GPD2: variants seen among roughly 807,000 people sequenced by gnomAD.
GPD2 encodes glycerol-3-phosphate dehydrogenase 2, also known as glycerol-3-phosphate dehydrogenase, mitochondrial.
In GPD2, 54 loss-of-function variants were observed where a neutral mutation model predicts 82.4. That is an observed-to-expected ratio of 0.66 (90% CI 0.53 to 0.82). The LOEUF is 0.82. GPD2 is among the 40% of genes least tolerant of loss of function. The pLI is 0.00. For missense variants in GPD2, 748 were observed against 896.2 expected, an observed-to-expected ratio of 0.83 and a Z score of 2.11; for synonymous variants, 288 against 306.1, an observed-to-expected ratio of 0.94 and a Z score of 0.62.
At chr2:156,420,080 C>A in the GPD2 span, among the ~76,000 whole-genome samples, 2 of 152,160 alleles carry the variant, frequency 1.3e-5, no homozygotes, top group East Asian at 3.8e-4. Context: ...TATTTGGCAT[C>A]CTAACAATTG....
rs1024193923 is a variant in GPD2, at chr2:156,467,945, C to T, written c.-8-8153C>T. On this transcript the variant is annotated intron_variant, in intron 1 of 16. Transcript: ENST00000438166. ...CTTCTCTGCTTGGCTGGGGGGAATG[C>T]GTTTGCAGGCAGAGTACTAATCATG... Among the ~76,000 whole-genome samples the T allele has an allele frequency of 2.0e-5, 3 of 151,928 alleles. No homozygotes were observed. In the South Asian group the frequency reaches 6.3e-4, roughly 32 times the overall value.
Position 156,462,386 on chromosome 2 carries a change from A to C in GPD2, c.-8-13712A>C, listed in dbSNP as rs374994950. On this transcript the variant is annotated intron_variant, in intron 1 of 16. Coordinates refer to ENST00000438166, the MANE Select transcript of GPD2 (RefSeq NM_000408.5). Reference sequence around the variant, plus strand: ...CTGCAACCTCCGCCTCCCGGGTTCAAGCAATTCTCCTGCCTCAGCCTCCCA... The same window carrying C: ...CTGCAACCTCCGCCTCCCGGGTTCACGCAATTCTCCTGCCTCAGCCTCCCA... 9.2e-5 allele frequency among the ~76,000 whole-genome samples: 14 copies of C among 151,872 alleles called. No homozygotes were observed. In the East Asian group the frequency reaches 1.7e-3, roughly 19 times the overall value.
chr2:156,475,811 AC>A lies in GPD2; in HGVS notation c.-8-286del, dbSNP rs1683490809. Among the ~76,000 whole-genome samples, 5 of 152,244 alleles carry A rather than the reference AC, an allele frequency of 3.3e-5. No homozygotes were observed. In the South Asian group the frequency reaches 1.0e-3, roughly 32 times the overall value. ...GACATTTCTTTTCACAGTTCTTTTG[AC>A]TTTATACTGTTTAAATATCCTCAGT... is the stretch of plus-strand genomic sequence containing the variant. On this transcript the variant is annotated intron_variant, in intron 1 of 16. Transcript: ENST00000438166.
At chr2:156,547,685 AG>A (rs1312363949) in intron 6 of GPD2, among the ~76,000 whole-genome samples, 2 of 152,230 alleles carry the variant, frequency 1.3e-5, no homozygotes, top group Non-Finnish European at 2.9e-5. Flanking sequence ...GATGCTAATT[AG>A]GGAACATTTG....
chr2:156,438,218 G>A (rs999965962), intron 1 of GPD2, among the ~76,000 whole-genome samples: 1 of 152,132 alleles, frequency 6.6e-6, no homozygotes, highest in African/African-American at 2.4e-5. Context: ...TGTGGAGCGG[G>A]GAGCCAAAGA....
Position 156,579,133 on chromosome 2 carries a change from T to C in GPD2, c.1928T>C (p.Ile643Thr). 1 of 1,607,002 alleles carries C rather than the reference T, an allele frequency of 6.2e-7. No homozygotes were observed. Among genetic ancestry groups the C allele is most frequent in the South Asian group, 1.1e-5 (1 of 90,924 alleles). ...HKFDADQKGF[I>T]TIVDVQRVLE... ...TTTGATGCAGACCAGAAAGGCTTTATTACCATTGTTGATGTTCAGCGTGTA... is the reference window on the plus strand; with the variant it reads ...TTTGATGCAGACCAGAAAGGCTTTACTACCATTGTTGATGTTCAGCGTGTA... Residue 643 changes from isoleucine to threonine, a missense_variant, in exon 15 of 17, where the codon ATT (isoleucine) becomes ACT (threonine). Ile to Thr is a moderately conservative substitution (Grantham distance 89). Around this residue, in one of 3 missense-constraint regions of GPD2, gnomAD observed 692 missense variants for 809.7 expected, o/e 0.85. Coordinates refer to ENST00000438166, the MANE Select transcript of GPD2 (RefSeq NM_000408.5).
At position 156,584,889 on chromosome 2, in the gene GPD2, TC is replaced by T. The variant is rs2105387921; in HGVS notation, c.*1972del. ...CTCTCTGTTTTTCTCTCTTTCTCTT[TC>T]TAGTTAGATCAAGATAACGATGACT... On this transcript the variant is annotated 3_prime_UTR_variant, in exon 17 of 17. Transcript: ENST00000438166. The T allele has an allele frequency of 6.6e-6, 1 of 152,302 alleles. No homozygotes were observed. Among genetic ancestry groups the T allele is most frequent in the East Asian group, 1.9e-4 (1 of 5,150 alleles). 9.4% of individuals were successfully genotyped at this position (152,302 alleles called of 1,614,324 possible).
chr2:156,465,639 G>A (rs1372470644), intron 1 of GPD2, among the ~76,000 whole-genome samples: 3 of 152,052 alleles, frequency 2.0e-5, no homozygotes, highest in Non-Finnish European at 4.4e-5. Flanking sequence ...GATTATAGAT[G>A]TTAGCCACCC....
intron 6 of GPD2, among the ~76,000 whole-genome samples, chr2:156,517,312 A>G (rs1193367190): frequency 6.6e-6 from 1 of 152,214 alleles, no homozygotes; most frequent in Non-Finnish European, 1.5e-5. Context: ...TGACATAAGT[A>G]TGATCTGTAC....
intron 2 of GPD2, among the ~76,000 whole-genome samples, chr2:156,487,065 G>A (rs1683971373): frequency 6.6e-6 from 1 of 152,182 alleles, no homozygotes; most frequent in African/African-American, 2.4e-5. Context: ...CAGCACTTTA[G>A]GATGCCAAGG....
At chr2:156,453,141 T>C (rs1304510834) in intron 1 of GPD2, among the ~76,000 whole-genome samples, 1 of 152,212 alleles carries the variant, frequency 6.6e-6, no homozygotes, top group Non-Finnish European at 1.5e-5. Context: ...CATGTTTTTT[T>C]TCCCAGGCAG....
At chr2:156,581,085 G>A (rs1688008442) in intron 16 of GPD2, among the ~76,000 whole-genome samples, 1 of 152,142 alleles carries the variant, frequency 6.6e-6, no homozygotes, top group East Asian at 1.9e-4. Context: ...ATGTGGTTTA[G>A]GTTTTAAGTA....
intron 2 of GPD2, among the ~76,000 whole-genome samples, chr2:156,483,969 C>T (rs1348501307): frequency 7.1e-6 from 1 of 141,832 alleles, no homozygotes; most frequent in Non-Finnish European, 1.5e-5. Context: ...TCACATGACA[C>T]ATTTATTTGC....
At chr2:156,473,133 C>T (rs1039501485) in intron 1 of GPD2, among the ~76,000 whole-genome samples, 1 of 152,018 alleles carries the variant, frequency 6.6e-6, no homozygotes, top group Non-Finnish European at 1.5e-5. Flanking sequence ...GCCAGATGAC[C>T]GTACAGAAGG....
At chr2:156,553,777 A>T (rs1686857943) in intron 8 of GPD2, among the ~76,000 whole-genome samples, 1 of 152,154 alleles carries the variant, frequency 6.6e-6, no homozygotes, top group Admixed American at 6.5e-5. Context: ...AACAGAGTAG[A>T]TTTGGTGTCT....
intron 9 of GPD2, among the ~76,000 whole-genome samples, chr2:156,568,321 T>C (rs558439763): frequency 1.3e-5 from 2 of 152,228 alleles, no homozygotes; most frequent in African/African-American, 4.8e-5. Flanking sequence ...AGGCCTGCTG[T>C]AAACACTCAG....
At chr2:156,408,046 C>T in the GPD2 span, among the ~76,000 whole-genome samples, 1 of 150,194 alleles carries the variant, frequency 6.7e-6, no homozygotes, top group Middle Eastern at 3.2e-3. Context: ...CCTTGAGGTC[C>T]CCAGGCTCAG....
At position 156,526,620 on chromosome 2, in the gene GPD2, T is replaced by C. The variant is rs142451536; in HGVS notation, c.661+13124T>C. On this transcript the variant is annotated intron_variant, in intron 6 of 16. Transcript: ENST00000438166. ...TAATTGTAGTTTAAGATATAAAAAT[T>C]TGAGGGACTTTCTGCTTTTGTTTCA... Among the ~76,000 whole-genome samples the C allele has an allele frequency of 2.5e-3, 350 of 142,522 alleles. 1 individual carries two copies. The highest frequency in any genetic ancestry group is 7.9e-3 in the African/African-American group (308 of 38,824). The allele number at this position is 142,522 out of a possible 152,430, so 93.5% of individuals were successfully genotyped here. A position where few individuals can be genotyped will look rare whatever the true frequency, so the allele number is the denominator to read the frequency against.
chr2:156,450,159 C>T (rs1044551541), intron 1 of GPD2, among the ~76,000 whole-genome samples: 5 of 152,174 alleles, frequency 3.3e-5, no homozygotes, highest in African/African-American at 1.2e-4. Context: ...AGCTGGTCCA[C>T]TTACTGAGAA....
Sources: allele counts gnomAD v4.1 joint callset (sites outside exome capture counted in the v4.1 genomes callset), GRCh38; gene constraint gnomAD v4.1.1; regional missense constraint gnomAD v4.1.1; transcripts MANE v1.5; gene names NCBI Gene and HGNC (gene_info 2026-07-23, HGNC 2026-07-21).